OPCML: variants seen among roughly 807,000 people sequenced by gnomAD.
The protein encoded by OPCML is opioid-binding protein/cell adhesion molecule.
OPCML carries 13 observed loss-of-function variants against 37.8 expected under a neutral mutation model. The observed-to-expected ratio is 0.34, with a 90% confidence interval of 0.22 to 0.55. The LOEUF (loss-of-function observed/expected upper bound fraction) is 0.55, where lower values mean the gene tolerates loss of function less well. Among genes scored for constraint, OPCML ranks in the 20% least tolerant of loss-of-function variants. The pLI is 0.91. For synonymous variants in OPCML, 176 were observed against 168.8 expected (o/e 1.04, Z -0.33); for missense variants, 341 against 435.6 (o/e 0.78, Z 1.93).
chr11:132,817,344 G>C (rs978495058), intron 2 of OPCML, among the ~76,000 whole-genome samples: 1 of 152,116 alleles, frequency 6.6e-6, no homozygotes, highest in Non-Finnish European at 1.5e-5. Context: ...GTGAAGGCCA[G>C]TATATACAAT....
At chr11:133,118,427 C>T (rs1412541871) in intron 1 of OPCML, 45 of 985,178 alleles carry the variant, frequency 4.6e-5, no homozygotes, top group Non-Finnish European at 5.4e-5. Context: ...ATGGAGTTTA[C>T]ACAATGGTCC....
intron 1 of OPCML, among the ~76,000 whole-genome samples, chr11:133,029,885 C>A (rs535511883): frequency 2.6e-5 from 4 of 152,140 alleles, no homozygotes; most frequent in African/African-American, 7.2e-5. Flanking sequence ...AAGTAAAACT[C>A]ATTCATTATC....
At chr11:133,269,976 T>G (rs775241582) in intron 1 of OPCML, among the ~76,000 whole-genome samples, 2 of 152,186 alleles carry the variant, frequency 1.3e-5, no homozygotes, top group Non-Finnish European at 2.9e-5. Context: ...GAGATATAAC[T>G]TCAAAATACA....
At chr11:133,282,208 A>G (rs916168360) in intron 1 of OPCML, among the ~76,000 whole-genome samples, 16 of 152,182 alleles carry the variant, frequency 1.1e-4, no homozygotes, top group Non-Finnish European at 2.2e-4. Flanking sequence ...GGCCCTTCCC[A>G]TCACAGACCC....
intron 1 of OPCML, among the ~76,000 whole-genome samples, chr11:133,442,726 C>CGTGT (rs371441649): frequency 0.21 from 30,008 of 141,252 alleles, 3,442 homozygotes; most frequent in Non-Finnish European, 0.25. Context: ...CATATTTAAA[C>CGTGT]GTGTGTGTGT....
At chr11:133,032,857 C>T (rs538891850) in intron 1 of OPCML, among the ~76,000 whole-genome samples, 141 of 152,322 alleles carry the variant, frequency 9.3e-4, no homozygotes, top group African/African-American at 3.3e-3. Flanking sequence ...TCACAGGAAA[C>T]TTCCCAAACA....
chr11:133,286,615 C>T (rs995372695), intron 1 of OPCML, among the ~76,000 whole-genome samples: 1 of 152,146 alleles, frequency 6.6e-6, no homozygotes, highest in Non-Finnish European at 1.5e-5. Context: ...CGGGCAGTGG[C>T]CTCGGCGGCC....
chr11:133,133,940 C>G (rs1037384833), intron 1 of OPCML, among the ~76,000 whole-genome samples: 1 of 152,140 alleles, frequency 6.6e-6, no homozygotes, highest in African/African-American at 2.4e-5. Context: ...CATGAAACAT[C>G]CAATATCACA....
At chr11:133,312,508 A>G (rs775489524) in intron 1 of OPCML, among the ~76,000 whole-genome samples, 6 of 152,216 alleles carry the variant, frequency 3.9e-5, no homozygotes, top group Non-Finnish European at 2.9e-5. Context: ...GTTCCAAGGC[A>G]GGGGTAATTG....
chr11:132,586,981 C>T (rs906170948), intron 3 of OPCML, among the ~76,000 whole-genome samples: 12 of 152,314 alleles, frequency 7.9e-5, no homozygotes, highest in South Asian at 2.1e-4. Flanking sequence ...CATATGCATT[C>T]GGGCATACTA....
intron 1 of OPCML, among the ~76,000 whole-genome samples, chr11:133,147,190 C>G (rs550446734): frequency 1.9e-3 from 283 of 152,230 alleles, no homozygotes; most frequent in Non-Finnish European, 3.5e-3. Flanking sequence ...GGCTGATAGG[C>G]AGTGCCACTT....
chr11:132,948,682 T>A (rs995085617), intron 1 of OPCML, among the ~76,000 whole-genome samples: 1 of 152,160 alleles, frequency 6.6e-6, no homozygotes, highest in Non-Finnish European at 1.5e-5. Flanking sequence ...ATAAAAACCA[T>A]AATTAATATA....
chr11:133,133,754 C>A lies in OPCML; in HGVS notation c.62-190744G>T, dbSNP rs1159937714. On this transcript the variant is annotated intron_variant, in intron 1 of 7. Transcript: ENST00000524381. ...TGCCAGCTTCCTGGGGTTTGCCTTG[C>A]CAGCCCCTTTCCCATCCACGAGTTG... Among the ~76,000 whole-genome samples, 3 of 152,146 alleles carry A rather than the reference C, an allele frequency of 2.0e-5. No individual in the cohort carries two copies. In the East Asian group the frequency reaches 5.8e-4, roughly 29 times the overall value.
intron 3 of OPCML, among the ~76,000 whole-genome samples, chr11:132,638,894 C>T (rs567992414): frequency 4.5e-4 from 69 of 152,258 alleles, no homozygotes; most frequent in African/African-American, 1.4e-3. Context: ...CTGTGGCCAG[C>T]CTCGCGTCAA....
chr11:133,092,331 A>C (rs937438664), intron 1 of OPCML, among the ~76,000 whole-genome samples: 2 of 152,172 alleles, frequency 1.3e-5, no homozygotes, highest in Non-Finnish European at 2.9e-5. Flanking sequence ...CAACTGATGA[A>C]AAGAGCTGGG....
At chr11:133,006,510 T>C in intron 1 of OPCML, 3 of 985,392 alleles carry the variant, frequency 3.0e-6, no homozygotes, top group Non-Finnish European at 3.6e-6. Context: ...TCATAACTTG[T>C]TTTTCAGTTA....
At chr11:133,060,003 T>A (rs1189635648) in intron 1 of OPCML, among the ~76,000 whole-genome samples, 5 of 152,246 alleles carry the variant, frequency 3.3e-5, no homozygotes, top group Non-Finnish European at 5.9e-5. Flanking sequence ...TCTGTGGTGA[T>A]GTTCAGGCAA....
chr11:133,260,588 T>A (rs1295519370), intron 1 of OPCML, among the ~76,000 whole-genome samples: 1 of 151,934 alleles, frequency 6.6e-6, no homozygotes, highest in Non-Finnish European at 1.5e-5. Flanking sequence ...AAATCTGCAG[T>A]GGAACAGCAG....
In OPCML at chr11:132,649,502, G is replaced by A. The variant is rs78156085; in HGVS notation, c.379+7585C>T. Among the ~76,000 whole-genome samples the A allele has an allele frequency of 3.3e-3, 503 of 152,222 alleles. 2 individuals carry two copies. The highest frequency in any genetic ancestry group is 3.9e-3 in the Non-Finnish European group (267 of 68,012). ...TGCTCTAACCCTGAGCGCAGGGGGC[G>A]GGGCAGGTGCAGAAGGTGGTGTGGG... On this transcript the variant is annotated intron_variant, in intron 3 of 7. Transcript: ENST00000524381.
Sources: gnomAD v4.1 joint callset for allele counts (sites outside exome capture counted in the v4.1 genomes callset) on GRCh38, gnomAD v4.1.1 for gene constraint, MANE v1.5 for transcripts, NCBI Gene and HGNC (gene_info 2026-07-23, HGNC 2026-07-21) for gene names.